CAMK2D: variants seen among roughly 807,000 people sequenced by gnomAD.
CAMK2D encodes the protein calcium/calmodulin-dependent protein kinase type II subunit delta.
A neutral mutation model predicts 84.0 loss-of-function variants in CAMK2D; 37 were observed. The observed-to-expected ratio is 0.44, with a 90% CI of 0.34 to 0.58. The LOEUF is 0.58. Among genes scored for constraint, CAMK2D ranks in the 20% least tolerant of loss-of-function variants. CAMK2D has a pLI of 0.02. For synonymous variants in CAMK2D, 202 were observed against 212.5 expected (o/e 0.95, Z 0.43); for missense variants, 448 against 652.5 (o/e 0.69, Z 3.41).
At chr4:113,705,326 C>CAAA (rs34325573) in intron 2 of CAMK2D, among the ~76,000 whole-genome samples, 49 of 91,084 alleles carry the variant, frequency 5.4e-4, no homozygotes, top group East Asian at 3.5e-3. Flanking sequence ...GACTCCATCT[C>CAAA]AAAAAAAAAA....
intron 3 of CAMK2D, among the ~76,000 whole-genome samples, chr4:113,628,516 G>T (rs2154282801): frequency 6.6e-6 from 1 of 152,170 alleles, no homozygotes. Flanking sequence ...AGTTTGAAGT[G>T]ATTTTGTTAT....
chr4:113,541,156 A>G (rs937824165), intron 6 of CAMK2D, among the ~76,000 whole-genome samples: 1 of 152,212 alleles, frequency 6.6e-6, no homozygotes, highest in African/African-American at 2.4e-5. Flanking sequence ...TGATGGAATC[A>G]CTTTCAGAAC....
intron 2 of CAMK2D, chr4:113,677,528 C>T: frequency 1.0e-6 from 1 of 971,790 alleles, no homozygotes; most frequent in Non-Finnish European, 1.2e-6. Flanking sequence ...AAGGAACTTG[C>T]TCGTCTTACT....
At chr4:113,721,954 G>A (rs1196936226) in intron 2 of CAMK2D, among the ~76,000 whole-genome samples, 2 of 152,036 alleles carry the variant, frequency 1.3e-5, no homozygotes, top group Non-Finnish European at 2.9e-5. Flanking sequence ...TCTCCCCACT[G>A]CCTTTCCCCT....
Position 113,758,421 on chromosome 4 carries a change from C to A in CAMK2D, c.160+899G>T, listed in dbSNP as rs148818438. On this transcript the variant is annotated intron_variant, in intron 2 of 20. Coordinates refer to ENST00000511664, the MANE Select transcript of CAMK2D (RefSeq NM_001321571.2). ...TTGGTAAGAAGCACTTTTGAAAAGACATATTAAATGAGGAAAACTAAACCT... is the reference window on the plus strand; with the variant it reads ...TTGGTAAGAAGCACTTTTGAAAAGAAATATTAAATGAGGAAAACTAAACCT... Among the ~76,000 whole-genome samples, 336 of 152,226 alleles carry A rather than the reference C, an allele frequency of 2.2e-3. 1 individual carries two copies. The highest frequency in any genetic ancestry group is 7.7e-3 in the African/African-American group (321 of 41,538).
At chr4:113,507,087 T>C (rs1165703139) in intron 13 of CAMK2D, among the ~76,000 whole-genome samples, 1 of 152,254 alleles carries the variant, frequency 6.6e-6, no homozygotes, top group African/African-American at 2.4e-5. Context: ...AAAGCTTTTT[T>C]GTTAATGTAA....
At chr4:113,755,967 G>C (rs2099627630) in intron 2 of CAMK2D, among the ~76,000 whole-genome samples, 1 of 151,948 alleles carries the variant, frequency 6.6e-6, no homozygotes, top group African/African-American at 2.4e-5. Context: ...TAAGATGCTT[G>C]AGATGCTTCC....
intron 2 of CAMK2D, among the ~76,000 whole-genome samples, chr4:113,728,239 TGGA>T (rs2099552022): frequency 6.6e-6 from 1 of 152,190 alleles, no homozygotes; most frequent in African/African-American, 2.4e-5. Context: ...TGCTAAGAAC[TGGA>T]AACAATCTAA....
chr4:113,666,683 T>C (rs1375567654), intron 2 of CAMK2D, among the ~76,000 whole-genome samples: 1 of 152,170 alleles, frequency 6.6e-6, no homozygotes, highest in Non-Finnish European at 1.5e-5. Context: ...CGAGAAGGTT[T>C]AATTCTTCTA....
chr4:113,519,508 G>A (rs147389007), intron 8 of CAMK2D, among the ~76,000 whole-genome samples: 1 of 151,040 alleles, frequency 6.6e-6, no homozygotes, highest in African/African-American at 2.4e-5. Flanking sequence ...AACACTTTTA[G>A]GCCCAAAGAC....
At chr4:113,634,516 A>C (rs1366761901) in intron 3 of CAMK2D, among the ~76,000 whole-genome samples, 3 of 152,214 alleles carry the variant, frequency 2.0e-5, no homozygotes, top group African/African-American at 7.2e-5. Context: ...TATTGAGCAT[A>C]AAAGGACACA....
At chr4:113,477,573 C>T (rs1475191945) in intron 16 of CAMK2D, among the ~76,000 whole-genome samples, 3 of 151,954 alleles carry the variant, frequency 2.0e-5, no homozygotes, top group South Asian at 2.1e-4. Flanking sequence ...TGGTAAAGCC[C>T]TATCTCTACT....
At chr4:113,506,995 T>C (rs1198612924) in intron 13 of CAMK2D, among the ~76,000 whole-genome samples, 2 of 151,974 alleles carry the variant, frequency 1.3e-5, no homozygotes, top group East Asian at 1.9e-4. Flanking sequence ...GGGTGAGCCA[T>C]TCTTTATTGT....
chr4:113,698,437 T>A (rs530960964), intron 2 of CAMK2D, among the ~76,000 whole-genome samples: 1 of 152,260 alleles, frequency 6.6e-6, no homozygotes, highest in Non-Finnish European at 1.5e-5. Context: ...GTACAGTTTC[T>A]GTGATAATTT....
chr4:113,761,517 T>G lies in CAMK2D; in HGVS notation c.-449A>C. On this transcript the variant is annotated 5_prime_UTR_variant, in exon 1 of 21. Transcript: ENST00000511664. Reference sequence around the variant, plus strand: ...GGAGTCCGAGGGGGCGGAGGTGGAGTGCAGCGGGGCCGAGGCCGCGGAGCC... The same window carrying G: ...GGAGTCCGAGGGGGCGGAGGTGGAGGGCAGCGGGGCCGAGGCCGCGGAGCC... The G allele has an allele frequency of 9.8e-7, 1 of 1,018,524 alleles. No individual in the cohort carries two copies. Among genetic ancestry groups the G allele is most frequent in the Non-Finnish European group, 1.2e-6 (1 of 850,050 alleles). 63.1% of individuals were successfully genotyped at this position (1,018,524 alleles called of 1,614,324 possible). A position where few individuals can be genotyped will look rare whatever the true frequency, so the allele number is the denominator to read the frequency against.
chr4:113,685,239 CTTT>C (rs568703311), intron 2 of CAMK2D, among the ~76,000 whole-genome samples: 70 of 137,564 alleles, frequency 5.1e-4, no homozygotes, highest in Admixed American at 9.5e-4. Context: ...TTTCAGACTT[CTTT>C]TTTTTTTTTT....
intron 16 of CAMK2D, among the ~76,000 whole-genome samples, chr4:113,485,890 G>A (rs1379288459): frequency 6.6e-6 from 1 of 152,102 alleles, no homozygotes; most frequent in Admixed American, 6.5e-5. Context: ...GACATACCAT[G>A]CTTTGTTTCT....
At chr4:113,615,587 A>G (rs1432277802) in intron 3 of CAMK2D, among the ~76,000 whole-genome samples, 1 of 152,168 alleles carries the variant, frequency 6.6e-6, no homozygotes, top group Admixed American at 6.6e-5. Context: ...TAACACAAGT[A>G]ATACAGTTAA....
chr4:113,666,701 T>C, intron 2 of CAMK2D, among the ~76,000 whole-genome samples: 1 of 152,000 alleles, frequency 6.6e-6, no homozygotes, highest in Non-Finnish European at 1.5e-5. Flanking sequence ...CTACTCCCCT[T>C]CCCCACAAAG....
Sources: gnomAD v4.1 joint callset for allele counts (sites outside exome capture counted in the v4.1 genomes callset) on GRCh38, gnomAD v4.1.1 for gene constraint, MANE v1.5 for transcripts, NCBI Gene and HGNC (gene_info 2026-07-23, HGNC 2026-07-21) for gene names.